The following SMYD1 variants were observed in gnomAD, a reference collection of about 807,000 sequenced individuals.
SMYD1 encodes SET and MYND domain containing 1.
Under a neutral mutation model 54.0 loss-of-function variants are expected in SMYD1, and 49 were observed. That is an observed-to-expected ratio of 0.91 (90% CI 0.72 to 1.15). The LOEUF (loss-of-function observed/expected upper bound fraction) is 1.15, where lower values mean the gene tolerates loss of function less well. Ranked by LOEUF, SMYD1 falls within the 50% of genes most tolerant of loss-of-function variation. SMYD1 has a pLI of 0.00. For missense variants in SMYD1, 653 were observed against 639.6 expected (o/e 1.02, Z -0.23); for synonymous variants, 269 against 234.2 (o/e 1.15, Z -1.36).
At position 88,112,007 on chromosome 2, in the gene SMYD1, AC is replaced by A. The variant is rs561413187; in HGVS notation, c.*1498del. 386 of 701,932 alleles carry A rather than the reference AC, an allele frequency of 5.5e-4. 7 individuals carry two copies. In the South Asian group the frequency reaches 5.5e-3, roughly 10 times the overall value. 43.5% of individuals were successfully genotyped at this position (701,932 alleles called of 1,614,324 possible). ...GACCTGCTGTGTCCCTCTGAGCACT[AC>A]CCAGTGGCTGAAAACTCTGCAAATG... On this transcript the variant is annotated 3_prime_UTR_variant, in exon 10 of 10. Coordinates refer to ENST00000419482, the MANE Select transcript of SMYD1 (RefSeq NM_198274.4).
intron 5 of SMYD1, among the ~76,000 whole-genome samples, chr2:88,094,952 G>A (rs2919885): frequency 0.35 from 53,603 of 151,954 alleles, 9,580 homozygotes; most frequent in Middle Eastern, 0.46. Flanking sequence ...GGGCTTTGAT[G>A]CATCTTAATT....
chr2:88,073,362 G>C (rs1673990911), intron 1 of SMYD1, among the ~76,000 whole-genome samples: 1 of 152,180 alleles, frequency 6.6e-6, no homozygotes, highest in African/African-American at 2.4e-5. Context: ...ATAGTGCTGT[G>C]ATAAACATAT....
intron 1 of SMYD1, among the ~76,000 whole-genome samples, chr2:88,083,471 C>T (rs1372939984): frequency 1.3e-5 from 2 of 152,070 alleles, no homozygotes; most frequent in Non-Finnish European, 2.9e-5. Flanking sequence ...CCTCACCCAT[C>T]GAATGGGCAT....
Position 88,093,391 on chromosome 2 carries a change from A to G in SMYD1, c.660-126A>G, listed in dbSNP as rs1674504952. ...GTGAGTCCAGCTAGAAGGGGCTAGG[A>G]TAAAGGTTATTGTGATGGCCAAAGC... On this transcript the variant is annotated intron_variant, in intron 4 of 9. Coordinates refer to ENST00000419482, the MANE Select transcript of SMYD1 (RefSeq NM_198274.4). The G allele has an allele frequency of 3.6e-6, 4 of 1,105,628 alleles. No homozygotes were observed. The South Asian group carries it at 5.1e-5, about 14-fold the overall frequency. The allele number at this position is 1,105,628 out of a possible 1,614,324, so 68.5% of individuals were successfully genotyped here.
intron 5 of SMYD1, among the ~76,000 whole-genome samples, chr2:88,094,597 C>A (rs12614873): frequency 1.3e-5 from 2 of 151,926 alleles, no homozygotes; most frequent in African/African-American, 4.8e-5. Context: ...AAGGTAAAAT[C>A]AGGCATACAT....
In SMYD1 at chr2:88,096,555, G is replaced by T. The variant is rs767149820; in HGVS notation, c.699-40G>T. 7 of 1,541,568 alleles carry T rather than the reference G, an allele frequency of 4.5e-6. No homozygotes were observed. The Admixed American group carries it at 5.4e-5, about 12-fold the overall frequency. ...GAGAGCACGGATCCCATTCCAGTAG[G>T]CCTGGATTCGATTCACCTTTTCCTT... On this transcript the variant is annotated intron_variant, in intron 5 of 9. Transcript: ENST00000419482.
At chr2:88,085,581 T>C (rs1674306172) in intron 2 of SMYD1, among the ~76,000 whole-genome samples, 2 of 152,202 alleles carry the variant, frequency 1.3e-5, no homozygotes, top group South Asian at 4.1e-4. Context: ...CCATGCCCCT[T>C]AGCTCCATCT....
At chr2:88,077,725 T>G (rs998931112) in intron 1 of SMYD1, among the ~76,000 whole-genome samples, 8 of 148,498 alleles carry the variant, frequency 5.4e-5, no homozygotes, top group African/African-American at 1.7e-4. Context: ...GGCATTTCTT[T>G]TTTTTTTTTT....
chr2:88,093,395 A>T (rs1674505076), intron 4 of SMYD1, 122 bp from the exon 5 acceptor site: 1 of 1,140,578 alleles, frequency 8.8e-7, no homozygotes, highest in African/African-American at 1.5e-5. Context: ...GCTAGGATAA[A>T]GGTTATTGTG....
intron 9 of SMYD1, 83 bp from the exon 10 acceptor site, chr2:88,110,271 A>C: frequency 6.9e-7 from 1 of 1,453,108 alleles, no homozygotes; most frequent in Admixed American, 2.3e-5. Flanking sequence ...CGTGGCTGGA[A>C]ATAATTTACC....
intron 1 of SMYD1, among the ~76,000 whole-genome samples, chr2:88,080,146 A>C (rs1674156676): frequency 6.6e-6 from 1 of 152,154 alleles, no homozygotes; most frequent in African/African-American, 2.4e-5. Flanking sequence ...GCCACAGTCT[A>C]TGTCTCCAAT....
At chr2:88,077,269 C>A (rs931127780) in intron 1 of SMYD1, among the ~76,000 whole-genome samples, 2 of 152,220 alleles carry the variant, frequency 1.3e-5, no homozygotes, top group Admixed American at 1.3e-4. Flanking sequence ...ATCACAGAGT[C>A]CAGCAGGGCT....
chr2:88,110,761 C>G lies in SMYD1; in HGVS notation c.*249C>G. ...ATTATTGGATGATAGGCCCTAGAAC[C>G]CAATAAAGGAGCTCCAAATGTCGTT... On this transcript the variant is annotated 3_prime_UTR_variant, in exon 10 of 10. Transcript: ENST00000419482. The G allele has an allele frequency of 2.4e-6, 1 of 411,586 alleles. No individual in the cohort carries two copies. Among genetic ancestry groups the G allele is most frequent in the Non-Finnish European group, 4.2e-6 (1 of 237,182 alleles). 25.5% of individuals were successfully genotyped at this position (411,586 alleles called of 1,614,324 possible).
chr2:88,104,186 T>C (rs945041591), intron 7 of SMYD1, among the ~76,000 whole-genome samples: 2 of 152,166 alleles, frequency 1.3e-5, no homozygotes, highest in Non-Finnish European at 2.9e-5. Context: ...CAGGATGGTC[T>C]CGATTTCCCA....
intron 1 of SMYD1, chr2:88,082,963 C>G (rs1573106307): frequency 1.3e-5 from 2 of 152,216 alleles, no homozygotes; most frequent in East Asian, 3.9e-4. Flanking sequence ...ACAATGAACT[C>G]CTTTTCACTG....
intron 6 of SMYD1, among the ~76,000 whole-genome samples, chr2:88,100,124 G>A (rs61312123): frequency 1.3e-5 from 2 of 151,918 alleles, no homozygotes; most frequent in East Asian, 3.9e-4. Flanking sequence ...CTTTCACAGC[G>A]GGGGTTCCTT....
chr2:88,099,733 A>AT (rs1674677438), intron 6 of SMYD1, among the ~76,000 whole-genome samples: 1 of 151,348 alleles, frequency 6.6e-6, no homozygotes, highest in East Asian at 1.9e-4. Context: ...AAAAAAAAAA[A>AT]GAAGAAGAAA....
chr2:88,101,865 C>A (rs1051341135), intron 6 of SMYD1, among the ~76,000 whole-genome samples: 4 of 152,222 alleles, frequency 2.6e-5, no homozygotes, highest in African/African-American at 9.6e-5. Flanking sequence ...CTGGGCCTCC[C>A]AAAGTGCTGG....
intron 1 of SMYD1, among the ~76,000 whole-genome samples, chr2:88,077,267 G>A (rs990508262): frequency 6.6e-6 from 1 of 152,244 alleles, no homozygotes; most frequent in African/African-American, 2.4e-5. Context: ...AGATCACAGA[G>A]TCCAGCAGGG....
Sources: gnomAD v4.1 joint callset for allele counts (sites outside exome capture counted in the v4.1 genomes callset) on GRCh38, gnomAD v4.1.1 for gene constraint, MANE v1.5 for transcripts, NCBI Gene and HGNC (gene_info 2026-07-23, HGNC 2026-07-21) for gene names.